PDLIM3: variants seen among roughly 807,000 people sequenced by gnomAD.
PDLIM3 encodes the protein PDZ and LIM domain 3.
Under a neutral mutation model 37.3 loss-of-function variants are expected in PDLIM3, and 36 were observed. The observed-to-expected ratio is 0.97, with a 90% CI of 0.74 to 1.28. PDLIM3 has a LOEUF of 1.28. Ranked by LOEUF, PDLIM3 falls within the 50% of genes most tolerant of loss-of-function variation. The pLI, the probability that PDLIM3 is intolerant of heterozygous loss-of-function variation, is 0.00. For missense variants in PDLIM3, 454 were observed against 485.0 expected (o/e 0.94, Z 0.60); for synonymous variants, 174 against 182.4 (o/e 0.95, Z 0.37).
At chr4:185,513,142 C>G in intron 4 of PDLIM3, 1 of 983,736 alleles carries the variant, frequency 1.0e-6, no homozygotes. Context: ...CCAGTCAGAC[C>G]AGGCCCCTGC....
intron 3 of PDLIM3, among the ~76,000 whole-genome samples, chr4:185,519,364 C>T (rs2095719379): frequency 6.6e-6 from 1 of 152,198 alleles, no homozygotes; most frequent in South Asian, 2.1e-4. Flanking sequence ...TGGCTCACTG[C>T]AACCTCCACC....
At chr4:185,520,788 C>T (rs2095722611) in intron 3 of PDLIM3, among the ~76,000 whole-genome samples, 1 of 65,316 alleles carries the variant, frequency 1.5e-5, no homozygotes, top group African/African-American at 2.8e-5. Flanking sequence ...CGGATGCAAC[C>T]ATGATGAAGG....
chr4:185,525,125 T>C lies in PDLIM3; in HGVS notation c.140A>G (p.Asp47Gly), dbSNP rs746105849. Residue 47 changes from aspartate (D) to glycine (G), a missense_variant, in exon 2 of 8, where the codon GAT becomes GGT. By Grantham distance (94) the Asp-to-Gly change is moderately conservative (BLOSUM62 -1). Coordinates refer to ENST00000284767, the MANE Select transcript of PDLIM3 (RefSeq NM_014476.6). ...KAAAANLCPG[D>G]VILAIDGFGT... The stretch of plus-strand genomic sequence containing the variant: ...AAAGCCGTCAATAGCCAGGATGACA[T>C]CTCCAGGACACAGGTTGGCAGCTGC... The C allele has an allele frequency of 6.2e-7, 1 of 1,614,116 alleles. No individual in the cohort carries two copies.
At chr4:185,518,775 C>T (rs2153337001) in intron 3 of PDLIM3, among the ~76,000 whole-genome samples, 1 of 152,262 alleles carries the variant, frequency 6.6e-6, no homozygotes, top group East Asian at 1.9e-4. Flanking sequence ...CTTCCAGTTA[C>T]CAAAACACTT....
intron 1 of PDLIM3, among the ~76,000 whole-genome samples, chr4:185,532,781 C>T (rs905195066): frequency 1.3e-4 from 20 of 152,168 alleles, no homozygotes; most frequent in Non-Finnish European, 7.3e-5. Flanking sequence ...TTGGCATTTT[C>T]CAGAGACGGT....
chr4:185,507,172 C>T (rs1245072813), intron 5 of PDLIM3: 1 of 153,266 alleles, frequency 6.5e-6, no homozygotes, highest in East Asian at 1.9e-4. Flanking sequence ...CTGGAAATAA[C>T]AAGGGTATCA....
intron 1 of PDLIM3, among the ~76,000 whole-genome samples, chr4:185,528,950 T>C (rs4495081): frequency 0.74 from 112,000 of 152,154 alleles, 43,879 homozygotes; most frequent in Non-Finnish European, 0.87. Flanking sequence ...CTTTCCTTAT[T>C]ATATTACTTT....
intron 2 of PDLIM3, among the ~76,000 whole-genome samples, chr4:185,524,244 A>G (rs1024611887): frequency 6.6e-6 from 1 of 152,204 alleles, no homozygotes; most frequent in Non-Finnish European, 1.5e-5. Flanking sequence ...TGTGCTCGGC[A>G]TGAACACAGG....
At chr4:185,509,378 A>T (rs746981821) in intron 4 of PDLIM3, among the ~76,000 whole-genome samples, 1 of 152,200 alleles carries the variant, frequency 6.6e-6, no homozygotes, top group Non-Finnish European at 1.5e-5. Flanking sequence ...TATTTTATGC[A>T]CAATTTCAGA....
At chr4:185,503,055 A>G (rs113414053) in intron 7 of PDLIM3, among the ~76,000 whole-genome samples, 6,969 of 152,012 alleles carry the variant, frequency 0.046, 442 homozygotes, top group African/African-American at 0.15. Flanking sequence ...GTGAAACCCC[A>G]TCTCTACTAA....
chr4:185,532,426 A>G (rs1238074872), intron 1 of PDLIM3, among the ~76,000 whole-genome samples: 2 of 152,200 alleles, frequency 1.3e-5, no homozygotes, highest in African/African-American at 4.8e-5. Context: ...AGCTACAGTA[A>G]TCAACCGGAT....
rs1179332943 is a variant in PDLIM3 at position 185,535,409 on chromosome 4, C to T, written c.26G>A (p.Gly9Asp). 6.2e-7 allele frequency: 1 copy of T among 1,604,394 alleles called. No homozygotes were observed. The highest frequency in any genetic ancestry group is 1.7e-5 in the Admixed American group (1 of 59,158). ...GAGCCTGAAGCCCCAGGGCGCAGGG[C>T]CCGGGAGGATCACCGTCTGGGGCAT... MPQTVILP[G>D]PAPWGFRLSG... The change falls in exon 1 of 8, where the codon GGC (glycine) becomes GAC (aspartate). Residue 9 changes from glycine (G) to aspartate (D), a missense_variant. Coordinates refer to ENST00000284767, the MANE Select transcript of PDLIM3 (RefSeq NM_014476.6).
chr4:185,525,219 T>A (rs1271935203), intron 1 of PDLIM3, 48 bp from the exon 2 acceptor site: 1 of 1,583,816 alleles, frequency 6.3e-7, no homozygotes, highest in East Asian at 2.2e-5. Context: ...CCGCAGTATC[T>A]TGAGTTTTGT....
chr4:185,524,956 A>G, intron 2 of PDLIM3, 64 bp downstream of exon 2: 3 of 1,530,950 alleles, frequency 2.0e-6, no homozygotes, highest in Non-Finnish European at 2.7e-6. Context: ...GAAGTTATTT[A>G]TAGTTCTGGT....
intron 1 of PDLIM3, among the ~76,000 whole-genome samples, chr4:185,531,836 G>C (rs538246071): frequency 3.3e-5 from 5 of 149,500 alleles, no homozygotes; most frequent in African/African-American, 9.8e-5. Flanking sequence ...GCTCACGACT[G>C]TAATCACTTT....
intron 4 of PDLIM3, 130 bp from the exon 5 acceptor site, chr4:185,508,692 A>C: frequency 1.2e-6 from 1 of 813,906 alleles, no homozygotes; most frequent in East Asian, 2.6e-5. Flanking sequence ...AATTACATCA[A>C]AATAAAACCA....
At chr4:185,518,964 C>G (rs1374918733) in intron 3 of PDLIM3, among the ~76,000 whole-genome samples, 1 of 152,086 alleles carries the variant, frequency 6.6e-6, no homozygotes, top group Non-Finnish European at 1.5e-5. Context: ...GTGACAGGCA[C>G]AGTATACCTT....
intron 3 of PDLIM3, chr4:185,515,023 G>T: frequency 1.5e-6 from 1 of 663,430 alleles, no homozygotes; most frequent in East Asian, 2.8e-5. Context: ...ATTAGAGGAG[G>T]AGTTAGCCAT....
At chr4:185,505,872 T>G (rs1396924578) in intron 6 of PDLIM3, among the ~76,000 whole-genome samples, 1 of 152,190 alleles carries the variant, frequency 6.6e-6, no homozygotes, top group Non-Finnish European at 1.5e-5. Flanking sequence ...TAATGGGACA[T>G]TTTGCATTTT....
Sources: gnomAD v4.1 joint callset for allele counts (sites outside exome capture counted in the v4.1 genomes callset) on GRCh38, gnomAD v4.1.1 for gene constraint, MANE v1.5 for transcripts, NCBI Gene and HGNC (gene_info 2026-07-23, HGNC 2026-07-21) for gene names.